ZNF532: variants seen among roughly 807,000 people sequenced by gnomAD.
ZNF532 encodes the protein zinc finger protein 532.
A neutral mutation model predicts 89.3 loss-of-function variants in ZNF532; 22 were observed. The observed-to-expected ratio is 0.25, with a 90% CI of 0.18 to 0.35. The LOEUF (loss-of-function observed/expected upper bound fraction) is 0.35, where lower values mean the gene tolerates loss of function less well. Among genes scored for constraint, ZNF532 ranks in the 10% least tolerant of loss-of-function variants. The pLI is 1.00. For synonymous variants in ZNF532, 606 were observed against 649.6 expected (o/e 0.93, Z 1.02); for missense variants, 1,132 against 1,643.4 (o/e 0.69, Z 5.38).
chr18:58,906,557 G>A lies in ZNF532; in HGVS notation c.-17-11714G>A, dbSNP rs541055339. 2.1e-4 allele frequency among the ~76,000 whole-genome samples: 32 copies of A among 152,238 alleles called. No homozygotes were observed. The South Asian group carries it at 6.4e-3, about 31-fold the overall frequency. On this transcript the variant is annotated intron_variant, in intron 2 of 9. Coordinates refer to ENST00000591808, the MANE Select transcript of ZNF532 (RefSeq NM_001375912.1). ...CCGAGGAGCCCTGGCTTCGTTCAGTGGAGAATGGTGTGGGAAATGCAGCTC... is the reference window on the plus strand; with the variant it reads ...CCGAGGAGCCCTGGCTTCGTTCAGTAGAGAATGGTGTGGGAAATGCAGCTC...
At position 58,983,753 on chromosome 18, in the gene ZNF532, T is replaced by A. The variant is rs991661429; in HGVS notation, c.3412-219T>A. Among the ~76,000 whole-genome samples the A allele has an allele frequency of 9.3e-5, 6 of 64,744 alleles. No individual in the cohort carries two copies. The African/African-American group carries it at 9.9e-4, about 11-fold the overall frequency. The allele number at this position is 64,744 out of a possible 152,430, so 42.5% of individuals were successfully genotyped here. A position where few individuals can be genotyped will look rare whatever the true frequency, so the allele number is the denominator to read the frequency against. On this transcript the variant is annotated intron_variant, in intron 9 of 9. Transcript: ENST00000591808. ...TCATTTGTCCACTGTTGTGCCCCAC[T>A]GGCAGAGCAATGCCTGCTAACAGCT... is the stretch of plus-strand genomic sequence containing the variant.
intron 7 of ZNF532, among the ~76,000 whole-genome samples, chr18:58,966,738 G>GTTTTTTTTTTTTTTTTTTTTTTTTT (rs540133909): frequency 7.9e-6 from 1 of 125,994 alleles, no homozygotes; most frequent in South Asian, 2.8e-4. Flanking sequence ...ATTTTTTTGT[G>GTTTTTTTTTTTTTTTTTTTTTTTTT]TTTTTTTTTT....
chr18:58,909,230 G>A (rs76075204), intron 2 of ZNF532, among the ~76,000 whole-genome samples: 11,797 of 152,244 alleles, frequency 0.077, 595 homozygotes, highest in Admixed American at 0.12. Flanking sequence ...TGGGATTATA[G>A]GCGTGAGCCA....
intron 7 of ZNF532, among the ~76,000 whole-genome samples, chr18:58,966,010 T>G (rs2065885210): frequency 6.6e-6 from 1 of 152,108 alleles, no homozygotes; most frequent in South Asian, 2.1e-4. Context: ...TGAGTCTGGT[T>G]ATGGGGGTTT....
chr18:58,863,372 G>A (rs1317532470), upstream of ZNF532: 1 of 147,820 alleles, frequency 6.8e-6, no homozygotes, highest in Non-Finnish European at 1.5e-5. Flanking sequence ...GGGCTCCGCA[G>A]CGGCCGGGCG....
chr18:58,978,588 A>G lies in ZNF532; in HGVS notation c.3151-467A>G, dbSNP rs1350072484. Among the ~76,000 whole-genome samples, 4 of 152,256 alleles carry G rather than the reference A, an allele frequency of 2.6e-5. No homozygotes were observed. In the East Asian group the frequency reaches 5.8e-4, roughly 22 times the overall value. On this transcript the variant is annotated intron_variant, in intron 7 of 9. Transcript: ENST00000591808. ...AACCCATCCTCCTAAAATTAGCCCCATCATGGTTACCTCAGCCCTGTCCTC... is the reference window on the plus strand; with the variant it reads ...AACCCATCCTCCTAAAATTAGCCCCGTCATGGTTACCTCAGCCCTGTCCTC...
intron 2 of ZNF532, among the ~76,000 whole-genome samples, chr18:58,881,145 G>C (rs559203601): frequency 6.7e-6 from 1 of 149,520 alleles, no homozygotes; most frequent in Non-Finnish European, 1.5e-5. Context: ...TCTGTCGCCC[G>C]GGCTGGAGTG....
chr18:58,939,793 T>G, intron 5 of ZNF532, 172 bp downstream of exon 5: 1 of 521,990 alleles, frequency 1.9e-6, no homozygotes, highest in Non-Finnish European at 3.2e-6. Flanking sequence ...CTTTCTGTTC[T>G]TTCCAGGTAA....
At chr18:58,944,517 C>T (rs1432167092) in intron 5 of ZNF532, among the ~76,000 whole-genome samples, 1 of 152,074 alleles carries the variant, frequency 6.6e-6, no homozygotes, top group Non-Finnish European at 1.5e-5. Context: ...ACTCCCACAC[C>T]CCTGGGAGTC....
chr18:58,898,280 A>T (rs577294288), intron 2 of ZNF532, among the ~76,000 whole-genome samples: 9 of 152,226 alleles, frequency 5.9e-5, no homozygotes, highest in South Asian at 2.1e-4. Flanking sequence ...AGACACTTAA[A>T]CTTCTCTGTC....
At chr18:58,966,159 T>C (rs1297796054) in intron 7 of ZNF532, among the ~76,000 whole-genome samples, 4 of 152,116 alleles carry the variant, frequency 2.6e-5, no homozygotes, top group Non-Finnish European at 5.9e-5. Context: ...GTAGTTCTGC[T>C]GTAAAGGGAT....
rs543876421 is a variant in ZNF532 at position 58,932,115 on chromosome 18, C to T, written c.2347-2318C>T. Among the ~76,000 whole-genome samples the T allele has an allele frequency of 8.5e-4, 129 of 152,294 alleles. 1 individual carries two copies. Among genetic ancestry groups the T allele is most frequent in the African/African-American group, 3.0e-3 (123 of 41,570 alleles). On this transcript the variant is annotated intron_variant, in intron 3 of 9. Transcript: ENST00000591808. ...AGCGTGATTCCCCAGTGACCATTTT[C>T]TCCCACTTCAGGAATTGCAAAGTAT...
intron 7 of ZNF532, among the ~76,000 whole-genome samples, chr18:58,963,603 A>G (rs923736897): frequency 9.7e-5 from 14 of 143,778 alleles, no homozygotes; most frequent in South Asian, 2.3e-4. Context: ...AAAGAAAAAA[A>G]TGTGTGTGTG....
chr18:58,897,691 A>G (rs11152102), intron 2 of ZNF532, among the ~76,000 whole-genome samples: 101,099 of 152,152 alleles, frequency 0.66, 35,177 homozygotes, highest in East Asian at 0.89. Context: ...GGTGGCTCAC[A>G]CCTGTAATCC....
intron 2 of ZNF532, among the ~76,000 whole-genome samples, chr18:58,916,308 C>T (rs949651714): frequency 1.3e-5 from 2 of 152,194 alleles, no homozygotes; most frequent in Non-Finnish European, 2.9e-5. Context: ...TTTCATTCCC[C>T]ACGTTTTGCA....
rs539133206 is a variant in ZNF532 at position 58,878,276 on chromosome 18, G to A, written c.-18+12697G>A. On this transcript the variant is annotated intron_variant, in intron 2 of 9. Transcript: ENST00000591808. Reference sequence around the variant, plus strand: ...TCTCAAAAAACAAAAAAAACAAAACGAAAAAAAACCACTGGGCAGGTAGAC... The same window carrying A: ...TCTCAAAAAACAAAAAAAACAAAACAAAAAAAAACCACTGGGCAGGTAGAC... Among the ~76,000 whole-genome samples, 576 of 151,290 alleles carry A rather than the reference G, an allele frequency of 3.8e-3. 4 individuals carry two copies. Among genetic ancestry groups the A allele is most frequent in the African/African-American group, 0.012 (504 of 41,204 alleles).
At chr18:58,866,688 T>A (rs1297966997) in intron 2 of ZNF532, among the ~76,000 whole-genome samples, 2 of 152,230 alleles carry the variant, frequency 1.3e-5, no homozygotes, top group East Asian at 3.8e-4. Flanking sequence ...GGTTAAGTTG[T>A]GTGCTGGCAG....
In ZNF532 at chr18:58,910,837, A is replaced by G. The variant is rs2060236204; in HGVS notation, c.-17-7434A>G. Among the ~76,000 whole-genome samples the G allele has an allele frequency of 2.0e-5, 3 of 151,646 alleles. No individual in the cohort carries two copies. The South Asian group carries it at 6.3e-4, about 32-fold the overall frequency. Reference sequence around the variant, plus strand: ...GTCTCCACTACCACATTTGTGATACAGAACTATTCCATGAGCCCTAAAATT... The same window carrying G: ...GTCTCCACTACCACATTTGTGATACGGAACTATTCCATGAGCCCTAAAATT... On this transcript the variant is annotated intron_variant, in intron 2 of 9. Transcript: ENST00000591808.
rs80187708 is a variant in ZNF532 at position 58,918,542 on chromosome 18, T to C, written c.255T>C (p.Thr85=). Reference sequence around the variant, plus strand: ...GGGAGAAAGACGGCCACAACCCCACTGGCAATGGCTTACATAATGGGTTTC... The same window carrying C: ...GGGAGAAAGACGGCCACAACCCCACCGGCAATGGCTTACATAATGGGTTTC... ...EGGEKDGHNP[T]GNGLHNGFLT... is the part of the protein sequence containing the mutation. Residue 85 remains threonine, a synonymous_variant, in exon 3 of 10, where the codon ACT becomes ACC. Transcript: ENST00000591808. 1.7e-3 allele frequency: 2,790 copies of C among 1,614,172 alleles called. 24 individuals are homozygous for C. In the African/African-American group the frequency reaches 0.02, roughly 11 times the overall value.
Sources: gnomAD v4.1 joint callset for allele counts (sites outside exome capture counted in the v4.1 genomes callset) on GRCh38, gnomAD v4.1.1 for gene constraint, MANE v1.5 for transcripts, NCBI Gene and HGNC (gene_info 2026-07-23, HGNC 2026-07-21) for gene names.